Variants in TFDP2 observed in about 807,000 individuals in gnomAD.
TFDP2 encodes transcription factor Dp-2 (E2F dimerization partner 2).
In TFDP2, 17 loss-of-function variants were observed where a neutral mutation model predicts 59.3. The observed-to-expected ratio is 0.29, with a 90% CI of 0.20 to 0.43. The LOEUF is 0.43. Among genes scored for constraint, TFDP2 ranks in the 20% least tolerant of loss-of-function variants. The pLI is 1.00. For synonymous variants in TFDP2, 180 were observed against 194.7 expected (o/e 0.92, Z 0.63); for missense variants, 391 against 528.8 (o/e 0.74, Z 2.56).
chr3:142,129,204 A>T (rs73236017), intron 1 of TFDP2, among the ~76,000 whole-genome samples: 2,546 of 148,216 alleles, frequency 0.017, 23 homozygotes, highest in Middle Eastern at 0.028. Context: ...GAGGCTGGTT[A>T]AAAAAAAAAA....
At chr3:142,149,150 C>A in intron 1 of TFDP2, 33 bp downstream of exon 1, 1 of 397,864 alleles carries the variant, frequency 2.5e-6, no homozygotes. Flanking sequence ...AGGCCCTCCG[C>A]GCGCGGGCCC....
intron 3 of TFDP2, among the ~76,000 whole-genome samples, chr3:142,077,350 G>GTTGA (rs2060493368): frequency 6.6e-6 from 1 of 152,174 alleles, no homozygotes; most frequent in Non-Finnish European, 1.5e-5. Flanking sequence ...ATCAACAGGG[G>GTTGA]TGGCTAAGGG....
rs1358464459 is a variant in TFDP2 at position 142,149,455 on chromosome 3, G to A, written c.-365C>T. ...GCAGCTGCGGCAGCGCCGCAGCCGA[G>A]ATCGCTACCGATTTCGTCCGCCCTC... On this transcript the variant is annotated 5_prime_UTR_variant, in exon 1 of 13. Coordinates refer to ENST00000489671, the MANE Select transcript of TFDP2 (RefSeq NM_001178139.2). 8 of 376,300 alleles carry A rather than the reference G, an allele frequency of 2.1e-5. No individual in the cohort carries two copies. Among genetic ancestry groups the A allele is most frequent in the Non-Finnish European group, 3.8e-5 (8 of 212,166 alleles). The allele number at this position is 376,300 out of a possible 1,614,324, so 23.3% of individuals were successfully genotyped here. A position where few individuals can be genotyped will look rare whatever the true frequency, so the allele number is the denominator to read the frequency against.
chr3:142,009,318 T>C lies in TFDP2; in HGVS notation c.83-3774A>G, dbSNP rs188662723. ...TAACTCATCCTGAGTTTGAAATCAA[T>C]TTAAACAGCAGGTCCTTTGTTTATT... On this transcript the variant is annotated intron_variant, in intron 3 of 12. Coordinates refer to ENST00000489671, the MANE Select transcript of TFDP2 (RefSeq NM_001178139.2). 2.0e-4 allele frequency among the ~76,000 whole-genome samples: 30 copies of C among 152,354 alleles called. No individual in the cohort carries two copies. In the East Asian group the frequency reaches 5.0e-3, roughly 25 times the overall value.
intron 1 of TFDP2, among the ~76,000 whole-genome samples, chr3:142,145,748 G>A (rs143172713): frequency 4.2e-5 from 6 of 143,742 alleles, no homozygotes; most frequent in Non-Finnish European, 6.3e-5. Context: ...ATCCTTTTCC[G>A]AAAAAAAAGA....
At chr3:142,028,397 T>TCCCCCCCCCCCCCCC (rs11569172) in intron 3 of TFDP2, among the ~76,000 whole-genome samples, 1 of 106,564 alleles carries the variant, frequency 9.4e-6, no homozygotes, top group African/African-American at 3.3e-5. Context: ...ATTCTTCCCC[T>TCCCCCCCCCCCCCCC]CCCCCCCCAC....
chr3:141,967,044 G>C (rs1029149611), intron 9 of TFDP2, among the ~76,000 whole-genome samples: 14 of 151,710 alleles, frequency 9.2e-5, no homozygotes, highest in African/African-American at 3.4e-4. Context: ...AGCCTCCTGA[G>C]TACCTGAGAT....
In TFDP2 at chr3:142,149,207, C is replaced by T. The variant is rs962024357; in HGVS notation, c.-117G>A. The T allele has an allele frequency of 1.3e-5, 5 of 397,768 alleles. No homozygotes were observed. The highest frequency in any genetic ancestry group is 1.3e-5 in the Non-Finnish European group (3 of 225,468). 24.6% of individuals were successfully genotyped at this position (397,768 alleles called of 1,614,324 possible). On this transcript the variant is annotated 5_prime_UTR_variant, in exon 1 of 13. Transcript: ENST00000489671. Reference sequence around the variant, plus strand: ...CCGCCTTCGGCTGCAGAAGAACTGGCGGCCAAGCGAGGCTGTCGGGCCGAG... The same window carrying T: ...CCGCCTTCGGCTGCAGAAGAACTGGTGGCCAAGCGAGGCTGTCGGGCCGAG...
chr3:141,995,081 T>C lies in TFDP2; in HGVS notation c.247A>G (p.Thr83Ala). 6.2e-7 allele frequency: 1 copy of C among 1,611,484 alleles called. No homozygotes were observed. Among genetic ancestry groups the C allele is most frequent in the South Asian group, 1.1e-5 (1 of 90,496 alleles). Residue 83 changes from threonine to alanine, a missense_variant, in exon 5 of 13, where the codon ACC becomes GCC. This residue lies in a region of TFDP2 where 162 missense variants were observed against 206.8 expected (regional missense o/e 0.78). Coordinates refer to ENST00000489671, the MANE Select transcript of TFDP2 (RefSeq NM_001178139.2). ...TGAGTAACCATTGCTGGTGCAGGGG[T>C]ATATGGACTCCCAATCAGAACACTT... The part of the protein sequence containing the change: ...SGSVLIGSPY[T>A]PAPAMVTQTH...
At chr3:142,028,465 G>T in intron 3 of TFDP2, 2 of 671,328 alleles carry the variant, frequency 3.0e-6, no homozygotes, top group Non-Finnish European at 3.5e-6. Flanking sequence ...AGGACGTCTT[G>T]AAATCAGCGT....
chr3:142,103,658 G>A (rs1294394572), intron 1 of TFDP2, among the ~76,000 whole-genome samples: 1 of 152,120 alleles, frequency 6.6e-6, no homozygotes, highest in Non-Finnish European at 1.5e-5. Flanking sequence ...TGGTGAATCT[G>A]GGTGAAGGGC....
At chr3:142,025,494 T>C (rs1490839989) in intron 3 of TFDP2, among the ~76,000 whole-genome samples, 2 of 152,234 alleles carry the variant, frequency 1.3e-5, no homozygotes, top group Admixed American at 6.5e-5. Flanking sequence ...TCTACATTTA[T>C]AATTGTAAGT....
intron 7 of TFDP2, 64 bp downstream of exon 7, chr3:141,978,456 C>T: frequency 6.7e-7 from 1 of 1,485,452 alleles, no homozygotes; most frequent in Non-Finnish European, 9.1e-7. Flanking sequence ...AAATCTATAA[C>T]AAAGATAACA....
In TFDP2 at chr3:142,040,734, C is replaced by CT. The variant is rs35486165; in HGVS notation, c.83-35191dup. Among the ~76,000 whole-genome samples, 546 of 152,232 alleles carry CT rather than the reference C, an allele frequency of 3.6e-3. 1 individual carries two copies. Among genetic ancestry groups the CT allele is most frequent in the African/African-American group, 0.012 (518 of 41,542 alleles). On this transcript the variant is annotated intron_variant, in intron 3 of 12. Coordinates refer to ENST00000489671, the MANE Select transcript of TFDP2 (RefSeq NM_001178139.2). ...TGTGAGCCATCACGCCCAGCTAAAA[C>CT]TTTTTTTAATAAAAAATAAATTAGC... is the stretch of plus-strand genomic sequence containing the variant.
In TFDP2 at chr3:142,002,317, G is replaced by GTTTTT. The variant is rs750047190; in HGVS notation, c.186+3119_186+3123dup. On this transcript the variant is annotated intron_variant, in intron 4 of 12. Transcript: ENST00000489671. Reference sequence around the variant, plus strand: ...GCCTAGCTAATTTTTTATTTTTAGTGTTTTTTTTTTTTTTTTTTTTTGATA... The same window carrying GTTTTT: ...GCCTAGCTAATTTTTTATTTTTAGTGTTTTTTTTTTTTTTTTTTTTTTTTTTGATA... Among the ~76,000 whole-genome samples, 109 of 106,822 alleles carry GTTTTT rather than the reference G, an allele frequency of 1.0e-3. 1 individual carries two copies. Among genetic ancestry groups the GTTTTT allele is most frequent in the East Asian group, 1.6e-3 (6 of 3,642 alleles). 70.1% of individuals were successfully genotyped at this position (106,822 alleles called of 152,430 possible).
intron 1 of TFDP2, among the ~76,000 whole-genome samples, chr3:142,147,245 G>A (rs2063213144): frequency 6.6e-6 from 1 of 152,028 alleles, no homozygotes; most frequent in South Asian, 2.1e-4. Context: ...AAAACGGAAA[G>A]GATTTAAGTA....
intron 1 of TFDP2, among the ~76,000 whole-genome samples, chr3:142,109,437 TC>T (rs149628649): frequency 0.05 from 7,595 of 151,822 alleles, 617 homozygotes; most frequent in African/African-American, 0.17. Context: ...CAAGCGATCC[TC>T]CTGCCTCAGC....
chr3:141,985,532 A>C (rs11714727), intron 6 of TFDP2, among the ~76,000 whole-genome samples: 8,468 of 150,698 alleles, frequency 0.056, 311 homozygotes, highest in Middle Eastern at 0.097. Flanking sequence ...AAAAAAAAAA[A>C]AAAAAAAAAA....
rs201525196 is a variant in TFDP2 at position 141,968,553 on chromosome 3, CAT to C, written c.732+1518_732+1519del. On this transcript the variant is annotated intron_variant, in intron 9 of 12. Transcript: ENST00000489671. ...AGATATATATAACATATATATATCT[CAT>C]ATATATAGATATATATAACATATAT... is the stretch of plus-strand genomic sequence containing the variant. 6.2e-3 allele frequency among the ~76,000 whole-genome samples: 588 copies of C among 95,476 alleles called. 21 individuals are homozygous for C. In the East Asian group the frequency reaches 0.074, roughly 12 times the overall value. 62.6% of individuals were successfully genotyped at this position (95,476 alleles called of 152,430 possible).
Sources: gnomAD v4.1 joint callset for allele counts (sites outside exome capture counted in the v4.1 genomes callset) on GRCh38, gnomAD v4.1.1 for gene constraint, gnomAD v4.1.1 regional missense constraint, MANE v1.5 for transcripts, NCBI Gene and HGNC (gene_info 2026-07-23, HGNC 2026-07-21) for gene names.